The following ACSL4 variants were observed in gnomAD, a reference collection of about 807,000 sequenced individuals.
The protein encoded by ACSL4 is long-chain-fatty-acid--CoA ligase 4.
ACSL4 carries 9 observed loss-of-function variants against 49.1 expected under a neutral mutation model. The ratio of observed to expected loss-of-function variants is 0.18; its 90% CI spans 0.11 to 0.32. The LOEUF is 0.32. ACSL4 is among the 10% of genes least tolerant of loss of function. ACSL4 has a pLI of 1.00. For synonymous variants in ACSL4, 191 were observed against 170.3 expected (o/e 1.12, Z -0.95); for missense variants, 333 against 493.7 (o/e 0.67, Z 3.08).
At chrX:109,660,631 G>T (rs150301562) in intron 14 of ACSL4, among the ~76,000 whole-genome samples, 1 of 111,548 alleles carries the variant, frequency 9.0e-6, no homozygotes. Flanking sequence ...ATTTGCATAC[G>T]CATTTTCCTA....
intron 1 of ACSL4, among the ~76,000 whole-genome samples, chrX:109,697,208 T>G (rs1925504083): frequency 8.9e-6 from 1 of 112,655 alleles, no homozygotes. Context: ...GGCCTTTCAG[T>G]AATTTGATAT....
At chrX:109,710,901 G>A (rs1926705097) in intron 1 of ACSL4, among the ~76,000 whole-genome samples, 1 of 111,379 alleles carries the variant, frequency 9.0e-6, no homozygotes, top group Non-Finnish European at 1.9e-5. Flanking sequence ...TGTAGAGTAA[G>A]CATCTCACTA....
intron 15 of ACSL4, 67 bp downstream of exon 15, chrX:109,659,287 G>T: frequency 1.0e-6 from 1 of 986,878 alleles, no homozygotes; most frequent in Non-Finnish European, 1.4e-6. Context: ...ATATTGAAGA[G>T]CCTAATGCAA....
rs184340879 is a variant in ACSL4 at position 109,697,844 on chromosome X, G to A, written c.-65-1648C>T. Among the ~76,000 whole-genome samples the A allele has an allele frequency of 4.8e-3, 509 of 106,827 alleles. 3 individuals carry two copies. The highest frequency in any genetic ancestry group is 0.016 in the African/African-American group (462 of 29,176). 92.8% of individuals were successfully genotyped at this position (106,827 alleles called of 115,157 possible). On this transcript the variant is annotated intron_variant, in intron 1 of 15. Transcript: ENST00000672401. ...CACATTTCCCCCATAGATAATTCCA[G>A]TAACTTAAAAATGACCAAAAAAAAA...
At chrX:109,724,530 T>C (rs1927812390) in intron 1 of ACSL4, among the ~76,000 whole-genome samples, 1 of 111,671 alleles carries the variant, frequency 9.0e-6, no homozygotes, top group Admixed American at 9.5e-5. Context: ...CACTACAACC[T>C]CCACCTACTG....
At chrX:109,649,926 A>C (rs1934939281) in intron 15 of ACSL4, among the ~76,000 whole-genome samples, 1 of 108,193 alleles carries the variant, frequency 9.2e-6, no homozygotes, top group African/African-American at 3.4e-5. Flanking sequence ...ACATGAAAAA[A>C]TGCTCACCAT....
At chrX:109,693,262 T>A (rs1204034424) in intron 2 of ACSL4, among the ~76,000 whole-genome samples, 3 of 103,788 alleles carry the variant, frequency 2.9e-5, no homozygotes, top group Admixed American at 1.0e-4. Flanking sequence ...TATCGTGATT[T>A]AAAAAAAAAA....
intron 1 of ACSL4, among the ~76,000 whole-genome samples, chrX:109,718,363 A>C (rs1435688174): frequency 8.9e-6 from 1 of 112,539 alleles, no homozygotes; most frequent in Non-Finnish European, 1.9e-5. Flanking sequence ...CAACTTTGAA[A>C]GACAAATTCA....
At chrX:109,681,508 T>C in intron 4 of ACSL4, 133 bp from the exon 5 acceptor site, 1 of 519,099 alleles carries the variant, frequency 1.9e-6, no homozygotes, top group Non-Finnish European at 3.1e-6. Flanking sequence ...GATTTCATAG[T>C]CTCTGTTACC....
At chrX:109,673,125 T>A (rs976045714) in intron 9 of ACSL4, among the ~76,000 whole-genome samples, 2 of 111,979 alleles carry the variant, frequency 1.8e-5, no homozygotes, top group Non-Finnish European at 3.8e-5. Flanking sequence ...AGGCCTAAAA[T>A]CGGAGATTAC....
intron 9 of ACSL4, among the ~76,000 whole-genome samples, chrX:109,673,244 C>T (rs1008270113): frequency 1.8e-5 from 2 of 111,746 alleles, no homozygotes; most frequent in Admixed American, 1.9e-4. Flanking sequence ...GTTAAGAAGA[C>T]TGATAGACTG....
At chrX:109,706,299 TAC>T (rs1373591772) in intron 1 of ACSL4, among the ~76,000 whole-genome samples, 1 of 112,279 alleles carries the variant, frequency 8.9e-6, no homozygotes, top group Non-Finnish European at 1.9e-5. Context: ...CTTCCCTCTA[TAC>T]TAAAGTTAGG....
At position 109,642,243 on chromosome X, in the gene ACSL4, GA is replaced by G. The variant is rs1172442213; in HGVS notation, c.*1785del. On this transcript the variant is annotated 3_prime_UTR_variant, in exon 16 of 16. Coordinates refer to ENST00000672401, the MANE Select transcript of ACSL4 (RefSeq NM_001318510.2). Reference sequence around the variant, plus strand: ...AAAATCACATATTGGAAAAGTCTAAGAAACTCATTCTTAAGGGATAAACAGC... The same window carrying G: ...AAAATCACATATTGGAAAAGTCTAAGAACTCATTCTTAAGGGATAAACAGC... 9.0e-6 allele frequency: 1 copy of G among 111,262 alleles called. No individual in the cohort carries two copies. The highest frequency in any genetic ancestry group is 1.9e-5 in the Non-Finnish European group (1 of 52,938). The allele number at this position is 111,262 out of a possible 1,213,427, so 9.2% of individuals were successfully genotyped here.
intron 1 of ACSL4, among the ~76,000 whole-genome samples, chrX:109,721,088 T>C (rs1226744904): frequency 1.8e-5 from 2 of 112,667 alleles, no homozygotes; most frequent in African/African-American, 6.4e-5. Flanking sequence ...AGTCGTCATG[T>C]GGAACATAGA....
chrX:109,680,874 T>A, intron 6 of ACSL4, 124 bp downstream of exon 6: 1 of 733,799 alleles, frequency 1.4e-6, no homozygotes, highest in Non-Finnish European at 2.0e-6. Context: ...TTTTAAAGAT[T>A]TTTGAACTTT....
At chrX:109,677,437 CAA>C (rs1256340411) in intron 8 of ACSL4, among the ~76,000 whole-genome samples, 2 of 110,901 alleles carry the variant, frequency 1.8e-5, no homozygotes, top group African/African-American at 6.6e-5. Flanking sequence ...TCGTAGTTCT[CAA>C]GAGTAAAAAT....
At chrX:109,721,543 C>A (rs1927552246) in intron 1 of ACSL4, among the ~76,000 whole-genome samples, 1 of 110,853 alleles carries the variant, frequency 9.0e-6, no homozygotes, top group African/African-American at 3.3e-5. Flanking sequence ...ACCAGCCGGG[C>A]CAACATGGTG....
At chrX:109,650,638 C>G (rs997511172) in intron 15 of ACSL4, among the ~76,000 whole-genome samples, 1 of 110,676 alleles carries the variant, frequency 9.0e-6, no homozygotes, top group Non-Finnish European at 1.9e-5. Context: ...TGTAACTAAC[C>G]TGCACATTGT....
intron 1 of ACSL4, among the ~76,000 whole-genome samples, chrX:109,715,637 A>T (rs982413289): frequency 6.3e-5 from 7 of 110,363 alleles, no homozygotes; most frequent in Non-Finnish European, 1.3e-4. Flanking sequence ...ATAAAATTAT[A>T]TATATATATA....
Sources: allele counts gnomAD v4.1 joint callset (sites outside exome capture counted in the v4.1 genomes callset), GRCh38; gene constraint gnomAD v4.1.1; transcripts MANE v1.5; gene names NCBI Gene and HGNC (gene_info 2026-07-23, HGNC 2026-07-21).